Variants in FBXO16 observed in about 807,000 individuals in gnomAD.
The protein encoded by FBXO16 is F-box protein 16.
In FBXO16, 31 loss-of-function variants were observed where a neutral mutation model predicts 41.0. That is an observed-to-expected ratio of 0.76 (90% CI 0.57 to 1.02). The LOEUF (loss-of-function observed/expected upper bound fraction) is 1.02. Ranked by LOEUF, FBXO16 falls within the 50% of genes least tolerant of loss-of-function variation. The pLI is 0.00. For synonymous variants in FBXO16, 133 were observed against 117.8 expected, an observed-to-expected ratio of 1.13 and a Z score of -0.84; for missense variants, 361 against 346.2, an observed-to-expected ratio of 1.04 and a Z score of -0.34.
intron 3 of FBXO16, chr8:28,465,120 TC>T (rs1803213402): frequency 1.3e-5 from 2 of 156,164 alleles, no homozygotes; most frequent in Admixed American, 6.5e-5. Context: ...TTTTTTTTTT[TC>T]TTTTTGGCTT....
chr8:28,432,086 C>G (rs776753858), intron 7 of FBXO16, among the ~76,000 whole-genome samples: 2 of 151,778 alleles, frequency 1.3e-5, no homozygotes, highest in African/African-American at 2.4e-5. Flanking sequence ...CTGTGAACAC[C>G]ACTGCTGTTT....
rs937902996 is a variant in FBXO16, at chr8:28,454,597, A to G, written c.508-2121T>C. ...CAAAAAATTAGCCGGGCATGGTGGC[A>G]GGCGCCTGTAGTCCCAGCTACTCAG... On this transcript the variant is annotated intron_variant, in intron 5 of 8. Transcript: ENST00000380254. Among the ~76,000 whole-genome samples, 14 of 151,158 alleles carry G rather than the reference A, an allele frequency of 9.3e-5. 1 individual carries two copies. The highest frequency in any genetic ancestry group is 3.9e-4 in the East Asian group (2 of 5,156).
At chr8:28,432,383 A>G (rs1450538269) in intron 7 of FBXO16, among the ~76,000 whole-genome samples, 1 of 152,030 alleles carries the variant, frequency 6.6e-6, no homozygotes, top group Non-Finnish European at 1.5e-5. Context: ...CTGAGGCAGG[A>G]GAATCGCTTG....
intron 1 of FBXO16, among the ~76,000 whole-genome samples, chr8:28,488,672 G>A (rs865830404): frequency 3.3e-5 from 5 of 152,114 alleles, no homozygotes; most frequent in African/African-American, 7.2e-5. Flanking sequence ...AGGTGTTAGG[G>A]GTACAACGAT....
At chr8:28,457,994 A>G (rs1803063654) in intron 4 of FBXO16, among the ~76,000 whole-genome samples, 1 of 152,232 alleles carries the variant, frequency 6.6e-6, no homozygotes, top group South Asian at 2.1e-4. Flanking sequence ...GATCAAGTTC[A>G]CATATAAAGC....
chr8:28,430,929 C>T (rs1340243949), intron 7 of FBXO16, among the ~76,000 whole-genome samples: 2 of 152,086 alleles, frequency 1.3e-5, no homozygotes, highest in African/African-American at 2.4e-5. Context: ...CAAGACCGCG[C>T]CATTGCACTC....
At chr8:28,472,071 A>C (rs1803345540) in intron 3 of FBXO16, among the ~76,000 whole-genome samples, 1 of 152,152 alleles carries the variant, frequency 6.6e-6, no homozygotes, top group Non-Finnish European at 1.5e-5. Flanking sequence ...ACTGTCCCCC[A>C]GATCCAAATT....
At chr8:28,447,001 G>A (rs1802874602) in intron 7 of FBXO16, 170 bp downstream of exon 7, 5 of 566,638 alleles carry the variant, frequency 8.8e-6, no homozygotes, top group Non-Finnish European at 1.5e-5. Context: ...ATTAAATAAA[G>A]TGTATCTTCA....
intron 7 of FBXO16, among the ~76,000 whole-genome samples, chr8:28,433,141 T>C (rs1284491576): frequency 2.6e-5 from 4 of 152,134 alleles, no homozygotes; most frequent in Non-Finnish European, 5.9e-5. Context: ...ATCCTCCATC[T>C]GTCCCTATGA....
At chr8:28,453,352 A>C (rs1278154514) in intron 5 of FBXO16, among the ~76,000 whole-genome samples, 20 of 151,818 alleles carry the variant, frequency 1.3e-4, no homozygotes. Context: ...ACATTCCCCC[A>C]AAAAAGTACT....
rs779141755 is a variant in FBXO16 at position 28,487,843 on chromosome 8, CTTTT to C, written c.-17+2339_-17+2342del. On this transcript the variant is annotated intron_variant, in intron 1 of 8. Coordinates refer to ENST00000380254, the MANE Select transcript of FBXO16 (RefSeq NM_172366.4). ...GTAAGGACTACCTTTGAATATTCAT[CTTTT>C]TTTCTTTTTTTTTTTTTAGAGGTGG... 1.3e-4 allele frequency among the ~76,000 whole-genome samples: 20 copies of C among 151,060 alleles called. 1 individual carries two copies. In the East Asian group the frequency reaches 2.2e-3, roughly 16 times the overall value.
chr8:28,480,882 T>C (rs1803499893), intron 2 of FBXO16, among the ~76,000 whole-genome samples: 1 of 152,140 alleles, frequency 6.6e-6, no homozygotes, highest in Non-Finnish European at 1.5e-5. Flanking sequence ...TCTCAACTCT[T>C]CATGCATGGG....
At chr8:28,428,983 AT>A (rs1802568215) in intron 8 of FBXO16, among the ~76,000 whole-genome samples, 1 of 152,092 alleles carries the variant, frequency 6.6e-6, no homozygotes, top group Non-Finnish European at 1.5e-5. Flanking sequence ...TCAAGATCAC[AT>A]GTGGTAGAGA....
At chr8:28,487,960 C>T (rs1803629625) in intron 1 of FBXO16, among the ~76,000 whole-genome samples, 1 of 151,978 alleles carries the variant, frequency 6.6e-6, no homozygotes, top group South Asian at 2.1e-4. Context: ...TCAAGCAATC[C>T]TCCTGCCTCA....
At chr8:28,489,299 G>C (rs985185190) in intron 1 of FBXO16, among the ~76,000 whole-genome samples, 5 of 151,864 alleles carry the variant, frequency 3.3e-5, no homozygotes, top group African/African-American at 1.2e-4. Flanking sequence ...CCAAGATCAT[G>C]CCACTGCACT....
chr8:28,428,849 A>T lies in FBXO16; in HGVS notation c.870-113T>A. 2.4e-6 allele frequency: 3 copies of T among 1,226,202 alleles called. No individual in the cohort carries two copies. The South Asian group carries it at 5.0e-5, about 21-fold the overall frequency. The allele number at this position is 1,226,202 out of a possible 1,614,324, so 76.0% of individuals were successfully genotyped here. A position where few individuals can be genotyped will look rare whatever the true frequency, so the allele number is the denominator to read the frequency against. Reference sequence around the variant, plus strand: ...CGATTTTACAAAATTATAGGGCTGGATGGGATTTATTGAGATTTCCCAACT... The same window carrying T: ...CGATTTTACAAAATTATAGGGCTGGTTGGGATTTATTGAGATTTCCCAACT... On this transcript the variant is annotated intron_variant, in intron 8 of 8. Transcript: ENST00000380254.
intron 3 of FBXO16, among the ~76,000 whole-genome samples, chr8:28,464,800 C>T (rs1001737155): frequency 3.3e-5 from 5 of 151,956 alleles, no homozygotes; most frequent in South Asian, 2.1e-4. Context: ...ATTACAGGCA[C>T]GCGCCACCGC....
chr8:28,428,687 C>T lies in FBXO16; in HGVS notation c.*40G>A. ...GAGTCCCACTGACTCAGGGGGAGGC[C>T]AGGCGAGATGAGCTGGAACTTTTAG... is the stretch of plus-strand genomic sequence containing the variant. On this transcript the variant is annotated 3_prime_UTR_variant, in exon 9 of 9. Coordinates refer to ENST00000380254, the MANE Select transcript of FBXO16 (RefSeq NM_172366.4). 1 of 1,575,212 alleles carries T rather than the reference C, an allele frequency of 6.3e-7. No individual in the cohort carries two copies. Among genetic ancestry groups the T allele is most frequent in the East Asian group, 2.4e-5 (1 of 42,452 alleles).
chr8:28,433,679 T>C (rs1220624389), intron 7 of FBXO16, among the ~76,000 whole-genome samples: 1 of 152,224 alleles, frequency 6.6e-6, no homozygotes, highest in Non-Finnish European at 1.5e-5. Context: ...TCATTAATGA[T>C]AAACATACCA....
Sources: gnomAD v4.1 joint callset for allele counts (sites outside exome capture counted in the v4.1 genomes callset) on GRCh38, gnomAD v4.1.1 for gene constraint, MANE v1.5 for transcripts, NCBI Gene and HGNC (gene_info 2026-07-23, HGNC 2026-07-21) for gene names.